Variants in DSC1 observed in about 807,000 individuals in gnomAD.
DSC1 encodes the protein desmocollin-1.
DSC1 carries 79 observed loss-of-function variants against 98.8 expected under a neutral mutation model. The ratio of observed to expected loss-of-function variants is 0.80; its 90% CI spans 0.67 to 0.96. The LOEUF (loss-of-function observed/expected upper bound fraction) is 0.96, where lower values mean the gene tolerates loss of function less well. Among genes scored for constraint, DSC1 ranks in the 50% least tolerant of loss-of-function variants. DSC1 has a pLI of 0.00. For missense variants in DSC1, 1,115 were observed against 1,075.9 expected (o/e 1.04, Z -0.51); for synonymous variants, 405 against 372.1 (o/e 1.09, Z -1.02).
At chr18:31,134,192 C>A in intron 12 of DSC1, 62 bp from the exon 13 acceptor site, 1 of 1,531,478 alleles carries the variant, frequency 6.5e-7, no homozygotes, top group Non-Finnish European at 8.8e-7. Context: ...ATTATTCCTA[C>A]TCAATATTCT....
chr18:31,156,994 T>C (rs1306424698), intron 3 of DSC1, among the ~76,000 whole-genome samples: 1 of 152,144 alleles, frequency 6.6e-6, no homozygotes, highest in East Asian at 1.9e-4. Context: ...CCGCAATCAG[T>C]GGGAAGAGAG....
At chr18:31,136,563 AG>A (rs1413438823) in intron 11 of DSC1, among the ~76,000 whole-genome samples, 1 of 152,218 alleles carries the variant, frequency 6.6e-6, no homozygotes, top group Non-Finnish European at 1.5e-5. Context: ...TCAAAGACAA[AG>A]CTGAGAAGGT....
At chr18:31,149,527 G>A (rs1988917026) in intron 5 of DSC1, among the ~76,000 whole-genome samples, 1 of 152,078 alleles carries the variant, frequency 6.6e-6, no homozygotes, top group Admixed American at 6.5e-5. Context: ...TATTCCCACT[G>A]CCATCATTTT....
intron 2 of DSC1, among the ~76,000 whole-genome samples, chr18:31,158,415 T>G (rs1427533476): frequency 6.6e-6 from 1 of 152,244 alleles, no homozygotes; most frequent in Non-Finnish European, 1.5e-5. Context: ...AGATTCATAT[T>G]TAACACATTT....
chr18:31,148,734 A>AT, intron 5 of DSC1, 92 bp from the exon 6 acceptor site: 1 of 1,285,476 alleles, frequency 7.8e-7, no homozygotes, highest in East Asian at 2.4e-5. Flanking sequence ...TAACATTAAA[A>AT]AAAAAAATCA....
At chr18:31,143,537 A>G in intron 8 of DSC1, 120 bp downstream of exon 8, 1 of 651,886 alleles carries the variant, frequency 1.5e-6, no homozygotes, top group Non-Finnish European at 2.3e-6. Flanking sequence ...TGTTATTTGT[A>G]AGTAGTAGTT....
intron 13 of DSC1, among the ~76,000 whole-genome samples, 172 bp from the exon 14 acceptor site, chr18:31,132,861 T>C (rs1459470837): frequency 6.6e-6 from 1 of 152,152 alleles, no homozygotes; most frequent in Non-Finnish European, 1.5e-5. Flanking sequence ...TATTTGTAGC[T>C]TAGAGAGATT....
chr18:31,148,439 T>C (rs1988892028), intron 6 of DSC1, 59 bp downstream of exon 6: 3 of 1,481,526 alleles, frequency 2.0e-6, no homozygotes, highest in South Asian at 1.4e-5. Context: ...TCTTTAATTA[T>C]AATACTTACG....
At chr18:31,159,047 G>GTTTTTTTTTTTTTTTTTTTTTTTTTT (rs560889140) in intron 2 of DSC1, among the ~76,000 whole-genome samples, 2 of 71,098 alleles carry the variant, frequency 2.8e-5, no homozygotes, top group African/African-American at 1.2e-4. Context: ...CTACTATGTG[G>GTTTTTTTTTTTTTTTTTTTTTTTTTT]TTTTTTTTTT....
chr18:31,134,226 A>C, intron 12 of DSC1, 96 bp from the exon 13 acceptor site: 1 of 1,450,224 alleles, frequency 6.9e-7, no homozygotes, highest in African/African-American at 1.4e-5. Context: ...TCAATTTAGA[A>C]TAAAAACTCG....
chr18:31,140,206 T>A lies in DSC1; in HGVS notation c.1356A>T (p.Thr452=), dbSNP rs779297483. 2 of 1,614,044 alleles carry A rather than the reference T, an allele frequency of 1.2e-6. No individual in the cohort carries two copies. Among genetic ancestry groups the A allele is most frequent in the Non-Finnish European group, 1.7e-6 (2 of 1,179,934 alleles). Residue 452 remains threonine (T), a synonymous_variant, in exon 10 of 16, where the codon ACA becomes ACT. Transcript: ENST00000257198. ...TAACGGTGACAGTTGTAGTGCACAT[T>A]GTAGGAGTTTGTGAGCTCGCTGCTT... ...FSKAASSQTP[T]MCTTTVTVKI...
intron 13 of DSC1, among the ~76,000 whole-genome samples, chr18:31,133,261 A>G (rs1988535078): frequency 6.6e-6 from 1 of 152,078 alleles, no homozygotes; most frequent in African/African-American, 2.4e-5. Context: ...AGAGAGAAAC[A>G]GAAAGAAAGA....
chr18:31,162,425 T>G, intron 1 of DSC1, 107 bp downstream of exon 1: 2 of 1,047,390 alleles, frequency 1.9e-6, no homozygotes, highest in Non-Finnish European at 2.9e-6. Context: ...CCCCAATCTC[T>G]CTTCTCTGCC....
At position 31,157,589 on chromosome 18, in the gene DSC1, A is replaced by G. The variant is rs773384762; in HGVS notation, c.149-16T>C. 6.2e-7 allele frequency: 1 copy of G among 1,613,840 alleles called. No homozygotes were observed. The highest frequency in any genetic ancestry group is 8.5e-7 in the Non-Finnish European group (1 of 1,179,708). On this transcript the variant is annotated splice_polypyrimidine_tract_variant and intron_variant, in intron 2 of 15. Transcript: ENST00000257198. ...TCCAGATTCACTGCAGGGAAGAAAT[A>G]TCACAGCAGTTTGTCAGATGAAACA...
chr18:31,147,727 GATATT>G (rs1380653719), intron 6 of DSC1, among the ~76,000 whole-genome samples: 1 of 151,936 alleles, frequency 6.6e-6, no homozygotes, highest in Non-Finnish European at 1.5e-5. Context: ...AAACAACACT[GATATT>G]ATAAGATTTT....
In DSC1 at chr18:31,131,512, G is replaced by A. The variant is rs1021528783; in HGVS notation, c.2487+82C>T. On this transcript the variant is annotated intron_variant, in intron 15 of 15. Transcript: ENST00000257198. ...AAGATGTTGAATTCCAGGTATATGA[G>A]GAGTAAAACTTTTGGGAAATTCTGA... 28 of 1,543,994 alleles carry A rather than the reference G, an allele frequency of 1.8e-5. No individual in the cohort carries two copies. The African/African-American group carries it at 3.5e-4, about 19-fold the overall frequency.
At chr18:31,132,764 G>T (rs1049230529) in intron 13 of DSC1, 75 bp from the exon 14 acceptor site, 31 of 1,380,314 alleles carry the variant, frequency 2.2e-5, no homozygotes, top group Non-Finnish European at 2.9e-5. Context: ...AAGTCTTCTT[G>T]CATATGTCTC....
At chr18:31,157,912 G>GTCATAA (rs1989132529) in intron 2 of DSC1, among the ~76,000 whole-genome samples, 1 of 152,020 alleles carries the variant, frequency 6.6e-6, no homozygotes, top group Non-Finnish European at 1.5e-5. Context: ...TGTCATAAGT[G>GTCATAA]GTATAACCGT....
intron 5 of DSC1, among the ~76,000 whole-genome samples, chr18:31,150,559 C>T (rs1203869200): frequency 6.6e-6 from 1 of 151,912 alleles, no homozygotes; most frequent in African/African-American, 2.4e-5. Flanking sequence ...ACCAACACCA[C>T]CACCACCGTC....
Sources: allele counts gnomAD v4.1 joint callset (sites outside exome capture counted in the v4.1 genomes callset), GRCh38; gene constraint gnomAD v4.1.1; transcripts MANE v1.5; gene names NCBI Gene and HGNC (gene_info 2026-07-23, HGNC 2026-07-21).